MYO1C: variants seen among roughly 807,000 people sequenced by gnomAD.
MYO1C encodes the protein unconventional myosin-Ic.
A neutral mutation model predicts 150.8 loss-of-function variants in MYO1C; 104 were observed. That is an observed-to-expected ratio of 0.69 (90% CI 0.59 to 0.81). The LOEUF is 0.81. Among genes scored for constraint, MYO1C ranks in the 30% least tolerant of loss-of-function variants. The pLI is 0.00. For synonymous variants in MYO1C, 663 were observed against 579.9 expected (o/e 1.14, Z -2.06); for missense variants, 1,504 against 1,435.0 (o/e 1.05, Z -0.78).
intron 31 of MYO1C, 127 bp downstream of exon 31, chr17:1,467,115 T>A (rs2074188978): frequency 2.3e-6 from 2 of 888,314 alleles, no homozygotes; most frequent in African/African-American, 3.3e-5. Flanking sequence ...GGCCAAGGGA[T>A]GGAAGAGGTG....
Position 1,465,770 on chromosome 17 carries a change from GA to G in MYO1C, c.3166-19del, listed in dbSNP as rs775522102. ...GGGGCGACCTGTGGGGGCGGAGAGA[GA>G]CGGCCAAGTGGTGAGGGGAGCAGAC... On this transcript the variant is annotated intron_variant, in intron 31 of 31. Coordinates refer to ENST00000648651, the MANE Select transcript of MYO1C (RefSeq NM_001080779.2). 7.6e-7 allele frequency: 1 copy of G among 1,319,078 alleles called. No homozygotes were observed. Among genetic ancestry groups the G allele is most frequent in the Non-Finnish European group, 9.8e-7 (1 of 1,025,006 alleles). 81.7% of individuals were successfully genotyped at this position (1,319,078 alleles called of 1,614,324 possible). A position where few individuals can be genotyped will look rare whatever the true frequency, so the allele number is the denominator to read the frequency against.
chr17:1,484,443 G>A (rs963905761), intron 1 of MYO1C, 140 bp from the exon 2 acceptor site: 47 of 1,040,466 alleles, frequency 4.5e-5, no homozygotes, highest in East Asian at 4.2e-4. Flanking sequence ...TGACGGGTGC[G>A]GGGGGCCTGG....
At chr17:1,483,757 T>C (rs772906076) in intron 2 of MYO1C, 32 bp from the exon 3 acceptor site, 1 of 1,544,622 alleles carries the variant, frequency 6.5e-7, no homozygotes, top group Non-Finnish European at 8.8e-7. Context: ...CCAAAGTTTA[T>C]CCCGGGCCAG....
intron 17 of MYO1C, 197 bp from the exon 18 acceptor site, chr17:1,472,425 G>C (rs973092263): frequency 1.2e-5 from 7 of 595,818 alleles, no homozygotes; most frequent in African/African-American, 3.7e-5. Flanking sequence ...GGCTGGGCGA[G>C]AGACCTCAGT....
At position 1,484,147 on chromosome 17, in the gene MYO1C, C is replaced by T. The variant is rs112733841; in HGVS notation, c.231+1G>A. ...CTGCCATCTCCCCACAAGGGCCTCA[C>T]GTAGATGAGATTCTCCCGAAATCGC... On this transcript the variant is annotated splice_donor_variant, in intron 2 of 31. Transcript: ENST00000648651. LOFTEE classifies it high-confidence loss of function. 5.0e-6 allele frequency: 8 copies of T among 1,612,854 alleles called. No individual in the cohort carries two copies. Among genetic ancestry groups the T allele is most frequent in the Middle Eastern group, 1.6e-4 (1 of 6,062 alleles).
Position 1,467,528 on chromosome 17 carries a change from G to A in MYO1C, c.3017C>T (p.Thr1006Ile). 1 of 1,613,594 alleles carries A rather than the reference G, an allele frequency of 6.2e-7. No individual in the cohort carries two copies. Residue 1006 changes from threonine (T) to isoleucine (I), a missense_variant, in exon 30 of 32, where the codon ACA becomes ATA. Physicochemically the swap from Thr to Ile is moderately conservative, Grantham distance 89. Transcript: ENST00000648651. ...GTTCACGCGGTTGGCACTGAGGGCTGTCTTGGTCAGCGTCTCAATCACGTG... is the reference window on the plus strand; with the variant it reads ...GTTCACGCGGTTGGCACTGAGGGCTATCTTGGTCAGCGTCTCAATCACGTG... ...SDHVIETLTK[T>I]ALSANRVNSI...
intron 1 of MYO1C, among the ~76,000 whole-genome samples, chr17:1,487,577 G>A (rs1347838354): frequency 6.6e-6 from 1 of 152,152 alleles, no homozygotes; most frequent in Non-Finnish European, 1.5e-5. Context: ...GGACAGAGGC[G>A]GGGGAGGGCG....
chr17:1,477,011 G>C (rs775042810), intron 14 of MYO1C, among the ~76,000 whole-genome samples: 1 of 151,512 alleles, frequency 6.6e-6, no homozygotes, highest in Non-Finnish European at 1.5e-5. Context: ...GCGAATTTTT[G>C]CATTTTTAGT....
In MYO1C at chr17:1,492,532, G is replaced by C; in HGVS notation, c.-45C>G. Reference sequence around the variant, plus strand: ...GCGGCCTGGGCACCGCGGCCTGTGAGCAAGAGCTGCCTGCCCACTGGCGGG... The same window carrying C: ...GCGGCCTGGGCACCGCGGCCTGTGACCAAGAGCTGCCTGCCCACTGGCGGG... On this transcript the variant is annotated 5_prime_UTR_variant, in exon 1 of 32. Coordinates refer to ENST00000648651, the MANE Select transcript of MYO1C (RefSeq NM_001080779.2). 1.3e-6 allele frequency: 2 copies of C among 1,551,684 alleles called. No homozygotes were observed. The highest frequency in any genetic ancestry group is 2.4e-5 in the East Asian group (1 of 41,460).
Position 1,492,641 on chromosome 17 carries a change from G to A in MYO1C, c.-154C>T, listed in dbSNP as rs187194979. ...TGCTTCAACTGCAGCCCCAGGGGATGTGGCTGGTCCAGCTCCTCAGGACAC... is the reference window on the plus strand; with the variant it reads ...TGCTTCAACTGCAGCCCCAGGGGATATGGCTGGTCCAGCTCCTCAGGACAC... On this transcript the variant is annotated 5_prime_UTR_variant, in exon 1 of 32. Transcript: ENST00000648651. 520 of 726,388 alleles carry A rather than the reference G, an allele frequency of 7.2e-4. No individual in the cohort carries two copies. The highest frequency in any genetic ancestry group is 7.5e-4 in the Non-Finnish European group (313 of 417,916). The allele number at this position is 726,388 out of a possible 1,614,324, so 45.0% of individuals were successfully genotyped here. A position where few individuals can be genotyped will look rare whatever the true frequency, so the allele number is the denominator to read the frequency against.
At position 1,479,559 on chromosome 17, in the gene MYO1C, G is replaced by A. The variant is rs764059304; in HGVS notation, c.1020+33C>T. On this transcript the variant is annotated intron_variant, in intron 8 of 31. Coordinates refer to ENST00000648651, the MANE Select transcript of MYO1C (RefSeq NM_001080779.2). The surrounding 1 kb of genome is among the most constrained non-coding windows in gnomAD (Gnocchi z 4.2). ...TGCACCCCCAGCCCCCGCCCCCGCC[G>A]TCCTCCCGTCGCCCTCTGCCCGCCC... 5.3e-5 allele frequency: 39 copies of A among 737,708 alleles called. No individual in the cohort carries two copies. The highest frequency in any genetic ancestry group is 8.2e-5 in the Non-Finnish European group (36 of 436,798). The allele number at this position is 737,708 out of a possible 1,614,324, so 45.7% of individuals were successfully genotyped here.
chr17:1,469,694 C>T, intron 24 of MYO1C, 80 bp from the exon 25 acceptor site: 1 of 1,135,304 alleles, frequency 8.8e-7, no homozygotes. Context: ...GCTACTGCAT[C>T]CTTTGGATAA....
chr17:1,477,762 A>G (rs780294577), intron 13 of MYO1C, 129 bp downstream of exon 13: 2 of 1,066,024 alleles, frequency 1.9e-6, no homozygotes, highest in Non-Finnish European at 2.9e-6. Context: ...TCCTCCATTC[A>G]CAGCTCTGCC....
Position 1,468,440 on chromosome 17 carries a change from A to G in MYO1C, c.2667T>C (p.Pro889=). ...TGATGAAGAGCCTGGGTACACTCTGAGGGTAATTATCCTTCTTGCCCTTGA... is the reference window on the plus strand; with the variant it reads ...TGATGAAGAGCCTGGGTACACTCTGGGGGTAATTATCCTTCTTGCCCTTGA... ...EIFKGKKDNY[P]QSVPRLFIST... is the part of the protein sequence containing the mutation. The change falls in exon 26 of 32, where the codon CCT becomes CCC. Residue 889 remains proline, a synonymous_variant. Transcript: ENST00000648651. The G allele has an allele frequency of 1.9e-6, 3 of 1,613,944 alleles. No individual in the cohort carries two copies. The highest frequency in any genetic ancestry group is 1.6e-4 in the Middle Eastern group (1 of 6,062).
intron 24 of MYO1C, 46 bp downstream of exon 24, chr17:1,470,129 C>G: frequency 6.4e-7 from 1 of 1,571,598 alleles, no homozygotes; most frequent in African/African-American, 1.4e-5. Flanking sequence ...GACCCTTCTG[C>G]TGTGTACTAT....
At chr17:1,488,733 C>T (rs2074696457) in intron 1 of MYO1C, among the ~76,000 whole-genome samples, 1 of 152,222 alleles carries the variant, frequency 6.6e-6, no homozygotes, top group Non-Finnish European at 1.5e-5. Context: ...TATTATGTCA[C>T]ATGTGGGCTT....
chr17:1,483,686 G>C lies in MYO1C; in HGVS notation c.271C>G (p.Arg91Gly). The C allele has an allele frequency of 6.2e-7, 1 of 1,613,170 alleles. No homozygotes were observed. The highest frequency in any genetic ancestry group is 8.5e-7 in the Non-Finnish European group (1 of 1,179,720). Reference protein sequence around the residue: ...GPVLVSVNPYRDLQIYSRQHM... With the variant: ...GPVLVSVNPYGDLQIYSRQHM... ...TGCCGGCTGTAGATCTGCAGGTCCC[G>C]GTAGGGATTGACAGAGACCAGGACG... Residue 91 changes from arginine (R) to glycine (G), a missense_variant, in exon 3 of 32, where the codon CGG becomes GGG. Transcript: ENST00000648651.
rs2286876 is a variant in MYO1C at position 1,477,711 on chromosome 17, T to C, written c.1483-115A>G. The C allele has an allele frequency of 0.88, 860,470 of 981,130 alleles. 379,570 individuals are homozygous for C. Among genetic ancestry groups the C allele is most frequent in the African/African-American group, 0.91 (56,939 of 62,642 alleles). 60.8% of individuals were successfully genotyped at this position (981,130 alleles called of 1,614,324 possible). A position where few individuals can be genotyped will look rare whatever the true frequency, so the allele number is the denominator to read the frequency against. On this transcript the variant is annotated intron_variant, in intron 13 of 31. Coordinates refer to ENST00000648651, the MANE Select transcript of MYO1C (RefSeq NM_001080779.2). ...CAGGGGAGGGGCAGATCACAGGGAG[T>C]CTCCACAGAGAGCTTCCAACTGGGG...
chr17:1,484,126 C>T (rs2074598803), intron 2 of MYO1C, 22 bp downstream of exon 2: 1 of 1,612,032 alleles, frequency 6.2e-7, no homozygotes, highest in South Asian at 1.1e-5. Context: ...GCACCCCTGC[C>T]ATCTCCCCAC....
Sources: allele counts gnomAD v4.1 joint callset (sites outside exome capture counted in the v4.1 genomes callset), GRCh38; gene constraint gnomAD v4.1.1; non-coding constraint Gnocchi (gnomAD v3.1); transcripts MANE v1.5; gene names NCBI Gene and HGNC (gene_info 2026-07-23, HGNC 2026-07-21).